Variants in SPATS2 observed in about 807,000 individuals in gnomAD.
SPATS2 encodes the protein spermatogenesis-associated serine-rich protein 2.
Under a neutral mutation model 63.7 loss-of-function variants are expected in SPATS2, and 38 were observed. The ratio of observed to expected loss-of-function variants is 0.60; its 90% confidence interval spans 0.46 to 0.78. The LOEUF is 0.78. Among genes scored for constraint, SPATS2 ranks in the 30% least tolerant of loss-of-function variants. SPATS2 has a pLI of 0.00. For missense variants in SPATS2, 588 were observed against 666.2 expected (o/e 0.88, Z 1.29); for synonymous variants, 207 against 232.9 (o/e 0.89, Z 1.01).
chr12:49,486,630 G>C (rs1000147349), intron 4 of SPATS2, among the ~76,000 whole-genome samples: 1 of 151,992 alleles, frequency 6.6e-6, no homozygotes, highest in Non-Finnish European at 1.5e-5. Flanking sequence ...CACTTGTATG[G>C]TTTTTTTATT....
intron 2 of SPATS2, among the ~76,000 whole-genome samples, chr12:49,372,991 T>TGA (rs1555176840): frequency 3.4e-4 from 42 of 124,780 alleles, no homozygotes; most frequent in Non-Finnish European, 2.9e-4. Flanking sequence ...TGTGTGTGTG[T>TGA]GATGGAGTTT....
At chr12:49,466,653 A>G (rs754079553) in intron 3 of SPATS2, among the ~76,000 whole-genome samples, 18 of 152,160 alleles carry the variant, frequency 1.2e-4, no homozygotes, top group Non-Finnish European at 1.5e-4. Context: ...ACATTGATGT[A>G]TATGTCTGTC....
At chr12:49,430,143 C>G (rs191587670) in intron 2 of SPATS2, among the ~76,000 whole-genome samples, 2 of 149,448 alleles carry the variant, frequency 1.3e-5, no homozygotes, top group South Asian at 2.1e-4. Flanking sequence ...CTCTGTCCCC[C>G]AGCCTGGAGT....
intron 6 of SPATS2, among the ~76,000 whole-genome samples, chr12:49,492,810 A>G (rs1946404585): frequency 6.6e-6 from 1 of 152,014 alleles, no homozygotes; most frequent in Non-Finnish European, 1.5e-5. Context: ...AAAAAGAAAG[A>G]TGAGGCCGGG....
intron 2 of SPATS2, among the ~76,000 whole-genome samples, chr12:49,409,487 A>C (rs1944757290): frequency 6.8e-6 from 1 of 146,216 alleles, no homozygotes; most frequent in Non-Finnish European, 1.5e-5. Context: ...TTGTATTTTT[A>C]GTAGAGATGG....
At chr12:49,453,133 T>C (rs1217210026) in intron 2 of SPATS2, among the ~76,000 whole-genome samples, 1 of 140,840 alleles carries the variant, frequency 7.1e-6, no homozygotes, top group Admixed American at 7.4e-5. Context: ...CACTCCCACC[T>C]GGGCTGCACA....
At chr12:49,434,336 A>C (rs1403003377) in intron 2 of SPATS2, among the ~76,000 whole-genome samples, 1 of 152,200 alleles carries the variant, frequency 6.6e-6, no homozygotes, top group East Asian at 1.9e-4. Context: ...GTTGATGCCA[A>C]ATTACTGGTA....
intron 2 of SPATS2, among the ~76,000 whole-genome samples, chr12:49,413,333 C>T (rs909795377): frequency 1.3e-5 from 2 of 152,092 alleles, no homozygotes; most frequent in Admixed American, 1.3e-4. Flanking sequence ...CGTGTAGTCA[C>T]TCCAGCATAG....
At chr12:49,457,941 TACTC>T (rs1945748157) in intron 2 of SPATS2, among the ~76,000 whole-genome samples, 1 of 152,214 alleles carries the variant, frequency 6.6e-6, no homozygotes, top group African/African-American at 2.4e-5. Flanking sequence ...AAGTTTCAAA[TACTC>T]ACCCTGCTTT....
intron 2 of SPATS2, among the ~76,000 whole-genome samples, chr12:49,399,537 T>C (rs1944569141): frequency 6.6e-6 from 1 of 152,296 alleles, no homozygotes; most frequent in African/African-American, 2.4e-5. Flanking sequence ...GTCTCAACTT[T>C]GATGGTGTGT....
intron 2 of SPATS2, among the ~76,000 whole-genome samples, chr12:49,372,403 A>G (rs1944014012): frequency 6.6e-6 from 1 of 152,252 alleles, no homozygotes; most frequent in South Asian, 2.1e-4. Context: ...GTAGCACTTG[A>G]TGGTGCTTTC....
intron 2 of SPATS2, among the ~76,000 whole-genome samples, chr12:49,405,113 G>A (rs1944672331): frequency 6.6e-6 from 1 of 152,006 alleles, no homozygotes; most frequent in Admixed American, 6.6e-5. Flanking sequence ...AAAAAGTGTG[G>A]CACCTGGTTT....
intron 5 of SPATS2, 134 bp downstream of exon 5, chr12:49,489,707 C>G: frequency 1.5e-6 from 1 of 654,178 alleles, no homozygotes; most frequent in Non-Finnish European, 2.5e-6. Flanking sequence ...CATACCATGA[C>G]ATTTGACGAT....
intron 2 of SPATS2, among the ~76,000 whole-genome samples, chr12:49,380,158 CCT>C (rs1220125671): frequency 4.6e-5 from 7 of 150,706 alleles, no homozygotes; most frequent in Non-Finnish European, 7.4e-5. Context: ...CAACCTCATT[CCT>C]CTCTCTCTTT....
At chr12:49,410,352 A>G (rs1370994475) in intron 2 of SPATS2, among the ~76,000 whole-genome samples, 1 of 152,132 alleles carries the variant, frequency 6.6e-6, no homozygotes, top group African/African-American at 2.4e-5. Context: ...CTGGTATTAC[A>G]GGTGTGAGCC....
At chr12:49,492,413 G>C (rs1489678775) in intron 6 of SPATS2, among the ~76,000 whole-genome samples, 2 of 147,648 alleles carry the variant, frequency 1.4e-5, no homozygotes, top group South Asian at 2.1e-4. Context: ...GTAGAGACAG[G>C]GTTTCACCAT....
At chr12:49,414,935 CT>C (rs199648430) in intron 2 of SPATS2, among the ~76,000 whole-genome samples, 11 of 135,918 alleles carry the variant, frequency 8.1e-5, no homozygotes, top group African/African-American at 2.9e-4. Flanking sequence ...TTTTCTTTTT[CT>C]TTTCTTTTTT....
chr12:49,507,156 AC>A (rs1946668129), intron 9 of SPATS2, among the ~76,000 whole-genome samples: 1 of 152,226 alleles, frequency 6.6e-6, no homozygotes, highest in Non-Finnish European at 1.5e-5. Context: ...TTCTTAAGTC[AC>A]AACTTGTAGT....
chr12:49,367,079 C>G (rs894668792), upstream of SPATS2: 1 of 152,782 alleles, frequency 6.5e-6, no homozygotes, highest in Admixed American at 6.5e-5. Context: ...CGCGAGGGAC[C>G]GGGCCCCGAG....
Sources: gnomAD v4.1 joint callset for allele counts (sites outside exome capture counted in the v4.1 genomes callset) on GRCh38, gnomAD v4.1.1 for gene constraint, MANE v1.5 for transcripts, NCBI Gene and HGNC (gene_info 2026-07-23, HGNC 2026-07-21) for gene names.